AGTPBP1: variants seen among roughly 807,000 people sequenced by gnomAD.
AGTPBP1 encodes the protein ATP/GTP binding carboxypeptidase 1, also known as cytosolic carboxypeptidase 1.
AGTPBP1 carries 70 observed loss-of-function variants against 143.9 expected under a neutral mutation model. The observed-to-expected ratio is 0.49, with a 90% confidence interval of 0.40 to 0.59. The LOEUF is 0.59. Ranked by LOEUF, AGTPBP1 falls within the 20% of genes least tolerant of loss-of-function variation. The probability of loss-of-function intolerance (pLI) is 0.00; values close to 1 mark genes in which losing one functional copy is unlikely to be tolerated. For missense variants in AGTPBP1, 1,229 were observed against 1,464.5 expected, an observed-to-expected ratio of 0.84 and a Z score of 2.62; for synonymous variants, 463 against 500.2, an observed-to-expected ratio of 0.93 and a Z score of 0.99.
At chr9:85,804,254 T>C in the AGTPBP1 span, among the ~76,000 whole-genome samples, 728 of 152,304 alleles carry the variant, frequency 4.8e-3, 3 homozygotes, top group African/African-American at 0.016. Context: ...CCTCTCAACA[T>C]ACCTGGAGTC....
chr9:85,699,589 A>T (rs560140601), intron 2 of AGTPBP1, among the ~76,000 whole-genome samples: 2 of 145,264 alleles, frequency 1.4e-5, no homozygotes, highest in East Asian at 4.4e-4. Flanking sequence ...CGGTAAAAAA[A>T]AATAATAAAC....
the AGTPBP1 span, among the ~76,000 whole-genome samples, chr9:85,758,009 C>T: frequency 6.6e-6 from 1 of 152,102 alleles, no homozygotes; most frequent in African/African-American, 2.4e-5. Flanking sequence ...TTTATACTTC[C>T]TAGCCGGAGA....
At chr9:85,656,614 A>AAG (rs76064694) in intron 10 of AGTPBP1, among the ~76,000 whole-genome samples, 6 of 151,644 alleles carry the variant, frequency 4.0e-5, no homozygotes, top group African/African-American at 7.3e-5. Flanking sequence ...TAAAAAAAAA[A>AAG]GAGAGGGGGT....
chr9:85,697,445 GTTTTTTTTTTTT>G (rs758082233), intron 2 of AGTPBP1, among the ~76,000 whole-genome samples: 1 of 65,072 alleles, frequency 1.5e-5, no homozygotes, highest in Non-Finnish European at 2.7e-5. Flanking sequence ...TTTGTTTTTT[GTTTTTTTTTTTT>G]TTTTTTTTTT....
chr9:85,804,618 G>C, the AGTPBP1 span, among the ~76,000 whole-genome samples: 1 of 152,240 alleles, frequency 6.6e-6, no homozygotes, highest in Non-Finnish European at 1.5e-5. Flanking sequence ...GATTTATGGA[G>C]ATAATGGGAT....
rs10640965 is a variant in AGTPBP1 at position 85,579,409 on chromosome 9, A to ATTT, written c.3166-316_3166-314dup. 8.6e-3 allele frequency among the ~76,000 whole-genome samples: 1,314 copies of ATTT among 152,326 alleles called. 27 individuals carry two copies. The highest frequency in any genetic ancestry group is 0.03 in the African/African-American group (1,235 of 41,564). On this transcript the variant is annotated intron_variant, in intron 23 of 25. Transcript: ENST00000357081. ...ATGAAAAAAATGTTTAAAATGTGAA[A>ATTT]TTTAGTCATAAAAGACTAATTGAGA...
intron 8 of AGTPBP1, among the ~76,000 whole-genome samples, chr9:85,668,174 G>A (rs1436809754): frequency 3.9e-5 from 6 of 152,022 alleles, no homozygotes; most frequent in Non-Finnish European, 8.8e-5. Flanking sequence ...GTACATCAGA[G>A]TTCATTATAT....
At chr9:85,796,148 T>C in the AGTPBP1 span, among the ~76,000 whole-genome samples, 4 of 152,248 alleles carry the variant, frequency 2.6e-5, no homozygotes, top group Admixed American at 2.0e-4. Context: ...CATAGTTATA[T>C]ATATCTATTA....
At chr9:85,548,733 T>G (rs1419303702) in intron 25 of AGTPBP1, among the ~76,000 whole-genome samples, 1 of 151,774 alleles carries the variant, frequency 6.6e-6, no homozygotes, top group African/African-American at 2.4e-5. Context: ...TGGAGTGCAG[T>G]GGTGTGATCT....
intron 11 of AGTPBP1, among the ~76,000 whole-genome samples, chr9:85,650,328 G>C (rs11141054): frequency 3.3e-5 from 5 of 151,946 alleles, no homozygotes; most frequent in African/African-American, 1.2e-4. Context: ...TCACTCCTCA[G>C]ATAGCAAAAC....
At chr9:85,550,872 G>A (rs1825997766) in intron 25 of AGTPBP1, among the ~76,000 whole-genome samples, 1 of 152,088 alleles carries the variant, frequency 6.6e-6, no homozygotes, top group South Asian at 2.1e-4. Context: ...TGTTTCCTCT[G>A]CATAAGGTAT....
At chr9:85,752,272 T>C in the AGTPBP1 span, among the ~76,000 whole-genome samples, 1 of 151,968 alleles carries the variant, frequency 6.6e-6, no homozygotes, top group African/African-American at 2.4e-5. Flanking sequence ...CTAAAGAAAT[T>C]TGGAAAGTGC....
the AGTPBP1 span, chr9:85,755,952 T>C: frequency 8.5e-6 from 7 of 823,928 alleles, no homozygotes; most frequent in Non-Finnish European, 1.2e-5. Flanking sequence ...CCTGAGTTAC[T>C]CTAAGTGATA....
At chr9:85,781,885 C>CA in the AGTPBP1 span, among the ~76,000 whole-genome samples, 1 of 151,880 alleles carries the variant, frequency 6.6e-6, no homozygotes, top group Non-Finnish European at 1.5e-5. Context: ...AATAACATGA[C>CA]AAAATATACT....
chr9:85,563,382 A>G (rs1381625610), intron 25 of AGTPBP1, among the ~76,000 whole-genome samples: 3 of 152,176 alleles, frequency 2.0e-5, no homozygotes, highest in African/African-American at 7.2e-5. Flanking sequence ...TTCTTAAAGA[A>G]TACTTAATAA....
At chr9:85,703,551 G>A (rs989469936) in intron 2 of AGTPBP1, among the ~76,000 whole-genome samples, 1 of 152,214 alleles carries the variant, frequency 6.6e-6, no homozygotes, top group Non-Finnish European at 1.5e-5. Context: ...TGTCAAGGAT[G>A]ACTCCCAGAT....
At chr9:85,798,574 G>C in the AGTPBP1 span, among the ~76,000 whole-genome samples, 2 of 151,940 alleles carry the variant, frequency 1.3e-5, no homozygotes, top group Non-Finnish European at 2.9e-5. Flanking sequence ...CACCATGTTG[G>C]CCAGGCTGGT....
the AGTPBP1 span, among the ~76,000 whole-genome samples, chr9:85,800,831 G>GTC: frequency 1.3e-5 from 2 of 151,800 alleles, no homozygotes; most frequent in African/African-American, 4.8e-5. Context: ...GTGTGTGTGT[G>GTC]TGTGTGTGTG....
At chr9:85,684,978 T>C in intron 3 of AGTPBP1, among the ~76,000 whole-genome samples, 1 of 140,382 alleles carries the variant, frequency 7.1e-6, no homozygotes. Context: ...CACTTGAGAA[T>C]AAAAAAAAAA....
Sources: allele counts gnomAD v4.1 joint callset (sites outside exome capture counted in the v4.1 genomes callset), GRCh38; gene constraint gnomAD v4.1.1; transcripts MANE v1.5; gene names NCBI Gene and HGNC (gene_info 2026-07-23, HGNC 2026-07-21).